Variants in YPEL2 observed in about 807,000 individuals in gnomAD.
YPEL2 encodes the protein protein yippee-like 2.
YPEL2 carries 2 observed loss-of-function variants against 19.1 expected under a neutral mutation model. The ratio of observed to expected loss-of-function variants is 0.10; its 90% confidence interval spans 0.04 to 0.33. The LOEUF is 0.33. Ranked by LOEUF, YPEL2 falls within the 10% of genes least tolerant of loss-of-function variation. The pLI is 1.00. For missense variants in YPEL2, 66 were observed against 140.7 expected (o/e 0.47, Z 2.68); for synonymous variants, 52 against 50.0 (o/e 1.04, Z -0.17).
Position 59,348,990 on chromosome 17 carries a change from C to T in YPEL2, c.-195-4225C>T, listed in dbSNP as rs183880609. ...TCATGAGGTCAGGAGATCGAGACCA[C>T]GGTGAAACCCCGTCTCTACTAAAAA... On this transcript the variant is annotated intron_variant, in intron 1 of 4. Transcript: ENST00000312655. Among the ~76,000 whole-genome samples the T allele has an allele frequency of 2.8e-3, 423 of 151,948 alleles. 1 individual carries two copies. Among genetic ancestry groups the T allele is most frequent in the African/African-American group, 9.7e-3 (402 of 41,476 alleles).
At chr17:59,376,829 C>T (rs1256827025) in intron 2 of YPEL2, among the ~76,000 whole-genome samples, 1 of 151,498 alleles carries the variant, frequency 6.6e-6, no homozygotes, top group African/African-American at 2.4e-5. Flanking sequence ...GGCGCCTGTA[C>T]TCCCAGCTGC....
At chr17:59,335,733 G>A (rs532465728) in intron 1 of YPEL2, among the ~76,000 whole-genome samples, 96 of 152,142 alleles carry the variant, frequency 6.3e-4, no homozygotes, top group African/African-American at 2.2e-3. Context: ...ATTTTTAGTG[G>A]AGACGGGGTT....
intron 1 of YPEL2, chr17:59,345,079 A>G (rs1177054212): frequency 2.6e-5 from 4 of 152,206 alleles, no homozygotes; most frequent in African/African-American, 9.6e-5. Flanking sequence ...TCGCACTCCT[A>G]TGAGAATCTA....
At chr17:59,371,962 C>T (rs2047899395) in intron 2 of YPEL2, among the ~76,000 whole-genome samples, 1 of 152,218 alleles carries the variant, frequency 6.6e-6, no homozygotes. Flanking sequence ...CTCCTCCTCT[C>T]TTCCTGTCAC....
chr17:59,343,909 G>A (rs1407370385), intron 1 of YPEL2, among the ~76,000 whole-genome samples: 1 of 152,326 alleles, frequency 6.6e-6, no homozygotes, highest in East Asian at 1.9e-4. Context: ...GATGAGAGAA[G>A]ATGGGGTTCA....
At chr17:59,351,258 C>T (rs1203082073) in intron 1 of YPEL2, among the ~76,000 whole-genome samples, 1 of 152,038 alleles carries the variant, frequency 6.6e-6, no homozygotes, top group Non-Finnish European at 1.5e-5. Flanking sequence ...GCCTGTAATT[C>T]TAGGTACATG....
intron 1 of YPEL2, among the ~76,000 whole-genome samples, chr17:59,344,693 G>A (rs779349307): frequency 2.8e-4 from 42 of 152,190 alleles, no homozygotes; most frequent in Admixed American, 1.4e-3. Context: ...GGAAGGCAGC[G>A]GTTGCAGTGA....
At chr17:59,396,878 A>G (rs1182744767) in intron 4 of YPEL2, among the ~76,000 whole-genome samples, 1 of 152,044 alleles carries the variant, frequency 6.6e-6, no homozygotes, top group South Asian at 2.1e-4. Context: ...TAAAAATACA[A>G]AAATTAGCCA....
chr17:59,332,386 A>G lies in YPEL2; in HGVS notation c.-196+562A>G, dbSNP rs2047675527. On this transcript the variant is annotated intron_variant, in intron 1 of 4. Transcript: ENST00000312655. ...GTCTGCCCCGACCCGGGTCGAGGTA[A>G]CCGCAGCCGAGTTCCTCCCTGGCCG... Among the ~76,000 whole-genome samples the G allele has an allele frequency of 2.0e-5, 3 of 152,030 alleles. No individual in the cohort carries two copies. The South Asian group carries it at 6.2e-4, about 32-fold the overall frequency.
At chr17:59,374,236 T>TA (rs1374845262) in intron 2 of YPEL2, among the ~76,000 whole-genome samples, 1 of 152,202 alleles carries the variant, frequency 6.6e-6, no homozygotes, top group Non-Finnish European at 1.5e-5. Context: ...CTAGAGGGAA[T>TA]ACCAAGAAGC....
At chr17:59,382,669 A>G (rs1391224118) in intron 2 of YPEL2, among the ~76,000 whole-genome samples, 1 of 152,256 alleles carries the variant, frequency 6.6e-6, no homozygotes, top group East Asian at 1.9e-4. Context: ...TTTAAATTTT[A>G]TTGAAGGTAT....
intron 4 of YPEL2, among the ~76,000 whole-genome samples, chr17:59,396,144 C>T (rs1479370413): frequency 6.6e-6 from 1 of 152,192 alleles, no homozygotes; most frequent in Non-Finnish European, 1.5e-5. Context: ...GCAGGAATGA[C>T]ACAGAAACTT....
At chr17:59,342,120 G>T (rs2047734712) in intron 1 of YPEL2, among the ~76,000 whole-genome samples, 1 of 152,234 alleles carries the variant, frequency 6.6e-6, no homozygotes, top group Non-Finnish European at 1.5e-5. Context: ...TTTGAATTGG[G>T]AGATTAAAGT....
In YPEL2 at chr17:59,353,553, GC is replaced by G; in HGVS notation, c.117+29del. 1 of 1,574,814 alleles carries G rather than the reference GC, an allele frequency of 6.3e-7. No individual in the cohort carries two copies. The highest frequency in any genetic ancestry group is 8.7e-7 in the Non-Finnish European group (1 of 1,144,598). On this transcript the variant is annotated intron_variant, in intron 2 of 4. Coordinates refer to ENST00000312655, the MANE Select transcript of YPEL2 (RefSeq NM_001005404.4). This position sits in a 1 kb window ranked among gnomAD's most constrained non-coding sequence, Gnocchi z 4.8. ...TACACATTTCCAGCAGGCCTTCCTT[GC>G]CTACCCCGGGGAGGGCGCTTAGTGC...
In YPEL2 at chr17:59,353,784, G is replaced by C; in HGVS notation, c.117+258G>C. 1 of 446,030 alleles carries C rather than the reference G, an allele frequency of 2.2e-6. No individual in the cohort carries two copies. Among genetic ancestry groups the C allele is most frequent in the Admixed American group, 3.1e-5 (1 of 32,370 alleles). The allele number at this position is 446,030 out of a possible 1,614,324, so 27.6% of individuals were successfully genotyped here. On this transcript the variant is annotated intron_variant, in intron 2 of 4. Coordinates refer to ENST00000312655, the MANE Select transcript of YPEL2 (RefSeq NM_001005404.4). This position sits in a 1 kb window ranked among gnomAD's most constrained non-coding sequence, Gnocchi z 4.8. ...AGCTGGCAGCTTGCAAGCCAGAGAA[G>C]GGAGGGGCTGGGGATTGATGGGAGC...
Position 59,353,299 on chromosome 17 carries a change from C to T in YPEL2, c.-111C>T, listed in dbSNP as rs879174525. ...GTGTGTGGAGCCTGCCACACCCACCCGCTGCCAAACCACGGCCTTTACCTG... is the reference window on the plus strand; with the variant it reads ...GTGTGTGGAGCCTGCCACACCCACCTGCTGCCAAACCACGGCCTTTACCTG... On this transcript the variant is annotated 5_prime_UTR_variant, in exon 2 of 5. Transcript: ENST00000312655. The surrounding 1 kb of genome is among the most constrained non-coding windows in gnomAD (Gnocchi z 4.8). 4.1e-5 allele frequency: 31 copies of T among 757,732 alleles called. No homozygotes were observed. The highest frequency in any genetic ancestry group is 2.1e-4 in the South Asian group (12 of 58,212). 46.9% of individuals were successfully genotyped at this position (757,732 alleles called of 1,614,324 possible).
intron 2 of YPEL2, among the ~76,000 whole-genome samples, chr17:59,376,149 C>T (rs965514125): frequency 1.8e-4 from 27 of 152,324 alleles, no homozygotes; most frequent in East Asian, 1.2e-3. Context: ...TTCATGACCC[C>T]ATCTTCATTC....
chr17:59,358,485 G>A (rs1013339007), intron 2 of YPEL2, among the ~76,000 whole-genome samples: 4 of 152,068 alleles, frequency 2.6e-5, no homozygotes, highest in African/African-American at 9.7e-5. Context: ...CCATGCAGTG[G>A]CGTAGGGGCA....
chr17:59,335,987 C>G (rs1202409237), intron 1 of YPEL2, among the ~76,000 whole-genome samples: 1 of 152,174 alleles, frequency 6.6e-6, no homozygotes. Context: ...TTCTTCAAAG[C>G]ACTTTAATAC....
Sources: allele counts gnomAD v4.1 joint callset (sites outside exome capture counted in the v4.1 genomes callset), GRCh38; gene constraint gnomAD v4.1.1; non-coding constraint Gnocchi (gnomAD v3.1); transcripts MANE v1.5; gene names NCBI Gene and HGNC (gene_info 2026-07-23, HGNC 2026-07-21).